Variants in CABLES1 observed in about 807,000 individuals in gnomAD.
CABLES1 encodes the protein CDK5 and ABL1 enzyme substrate 1.
In CABLES1, 36 loss-of-function variants were observed where a neutral mutation model predicts 57.8. The observed-to-expected ratio is 0.62, with a 90% CI of 0.48 to 0.82. CABLES1 has a LOEUF of 0.82. CABLES1 is among the 40% of genes least tolerant of loss of function. CABLES1 has a pLI of 0.00. For missense variants in CABLES1, 767 were observed against 836.6 expected, an observed-to-expected ratio of 0.92 and a Z score of 1.03; for synonymous variants, 374 against 363.0, an observed-to-expected ratio of 1.03 and a Z score of -0.35.
intron 6 of CABLES1, among the ~76,000 whole-genome samples, chr18:23,236,640 C>T (rs985439516): frequency 6.6e-6 from 1 of 152,208 alleles, no homozygotes; most frequent in East Asian, 1.9e-4. Context: ...GTGCTGAGTT[C>T]TGAATCCCTG....
chr18:23,253,867 G>A lies in CABLES1; in HGVS notation c.1692G>A (p.Gly564=). 1.2e-6 allele frequency: 2 copies of A among 1,614,210 alleles called. No individual in the cohort carries two copies. Among genetic ancestry groups the A allele is most frequent in the African/African-American group, 1.3e-5 (1 of 75,036 alleles). Residue 564 remains glycine, a synonymous_variant, in exon 9 of 10, where the codon GGG becomes GGA. Coordinates refer to ENST00000256925, the MANE Select transcript of CABLES1 (RefSeq NM_001100619.3). Reference sequence around the variant, plus strand: ...AACAGAACCGGAAGCTGTGTGCTGGGGCATGTGTGCTGTTAGCAGCCAAAA... The same window carrying A: ...AACAGAACCGGAAGCTGTGTGCTGGAGCATGTGTGCTGTTAGCAGCCAAAA... ...LNKQNRKLCA[G]ACVLLAAKIG...
chr18:23,222,838 ACT>A (rs1249273735), intron 4 of CABLES1, among the ~76,000 whole-genome samples: 2 of 152,016 alleles, frequency 1.3e-5, no homozygotes. Flanking sequence ...TCTCCAAGTG[ACT>A]CTGTCCCACC....
At chr18:23,248,879 T>C (rs1466292597) in intron 7 of CABLES1, among the ~76,000 whole-genome samples, 10 of 152,194 alleles carry the variant, frequency 6.6e-5, no homozygotes, top group Admixed American at 1.3e-4. Flanking sequence ...CTAGAATCAT[T>C]GAGGAGGCTG....
chr18:23,199,288 AGTT>A (rs2145033027), intron 3 of CABLES1, among the ~76,000 whole-genome samples: 1 of 152,156 alleles, frequency 6.6e-6, no homozygotes, highest in East Asian at 1.9e-4. Context: ...TTCTTCAAAA[AGTT>A]AAACATAAAA....
chr18:23,212,193 C>T (rs149856128), intron 3 of CABLES1, among the ~76,000 whole-genome samples: 1 of 152,342 alleles, frequency 6.6e-6, no homozygotes, highest in East Asian at 1.9e-4. Context: ...ATGGACTAGG[C>T]TGGAAAACCT....
chr18:23,253,802 G>T lies in CABLES1; in HGVS notation c.1627G>T (p.Val543Phe). 6.2e-7 allele frequency: 1 copy of T among 1,614,232 alleles called. No individual in the cohort carries two copies. The highest frequency in any genetic ancestry group is 1.1e-5 in the South Asian group (1 of 91,080). The change falls in exon 9 of 10, where the codon GTC becomes TTC. Residue 543 changes from valine to phenylalanine, a missense_variant. Physicochemically the swap from Val to Phe is conservative, Grantham distance 50 (BLOSUM62 -1). Coordinates refer to ENST00000256925, the MANE Select transcript of CABLES1 (RefSeq NM_001100619.3). ...LEEPTVAMAF[V>F]YFEKLALKGK... ...GGAGCCCACGGTGGCCATGGCCTTC[G>T]TCTACTTTGAAAAGCTCGCCCTCAA...
intron 1 of CABLES1, among the ~76,000 whole-genome samples, chr18:23,173,467 A>G (rs1364157116): frequency 6.6e-6 from 1 of 152,204 alleles, no homozygotes; most frequent in Non-Finnish European, 1.5e-5. Flanking sequence ...TTCAAATTGT[A>G]TTATCTGGAG....
At chr18:23,219,615 C>T (rs1449939352) in intron 4 of CABLES1, among the ~76,000 whole-genome samples, 1 of 152,164 alleles carries the variant, frequency 6.6e-6, no homozygotes, top group East Asian at 1.9e-4. Context: ...TAGTGAGGGG[C>T]AGGGGAGAGG....
chr18:23,215,182 AAGT>A (rs989231776), intron 4 of CABLES1, among the ~76,000 whole-genome samples: 3 of 152,164 alleles, frequency 2.0e-5, no homozygotes, highest in African/African-American at 7.2e-5. Context: ...GTTCTAGAAA[AAGT>A]AGCAGCAAAT....
chr18:23,196,330 C>T (rs560530569), intron 3 of CABLES1, among the ~76,000 whole-genome samples: 40 of 152,146 alleles, frequency 2.6e-4, no homozygotes, highest in East Asian at 3.9e-4. Context: ...GAGGCCACGG[C>T]GGGTCGTATG....
At chr18:23,226,360 C>A (rs1017940501) in intron 4 of CABLES1, among the ~76,000 whole-genome samples, 1 of 150,894 alleles carries the variant, frequency 6.6e-6, no homozygotes, top group Non-Finnish European at 1.5e-5. Context: ...CAAGATCGTG[C>A]CATTGCACTC....
chr18:23,227,938 G>C (rs2117244), intron 4 of CABLES1, among the ~76,000 whole-genome samples: 32,132 of 152,084 alleles, frequency 0.21, 3,590 homozygotes, highest in Non-Finnish European at 0.24. Context: ...GCCTAGTGGA[G>C]CTCCTGGCAG....
chr18:23,179,486 G>A (rs936624388), intron 1 of CABLES1, among the ~76,000 whole-genome samples: 6 of 152,216 alleles, frequency 3.9e-5, no homozygotes, highest in Admixed American at 3.9e-4. Context: ...GCTCGGGGAG[G>A]AGGTTTTCCT....
intron 1 of CABLES1, among the ~76,000 whole-genome samples, chr18:23,165,955 C>T (rs1251215869): frequency 6.6e-6 from 1 of 152,154 alleles, no homozygotes; most frequent in Non-Finnish European, 1.5e-5. Flanking sequence ...CCTGGACACT[C>T]CCATTTCAAG....
intron 1 of CABLES1, among the ~76,000 whole-genome samples, chr18:23,146,181 G>C (rs2046890460): frequency 6.6e-6 from 1 of 152,232 alleles, no homozygotes; most frequent in South Asian, 2.1e-4. Flanking sequence ...AGAAGGGCTG[G>C]GTGGCGGGGT....
chr18:23,213,867 G>GC, intron 3 of CABLES1, 110 bp from the exon 4 acceptor site: 2 of 685,216 alleles, frequency 2.9e-6, no homozygotes, highest in Admixed American at 5.3e-5. Flanking sequence ...GTGGGAGCGT[G>GC]CAAATACTGC....
In CABLES1 at chr18:23,218,184, C is replaced by T. The variant is rs182431673; in HGVS notation, c.1088+4130C>T. On this transcript the variant is annotated intron_variant, in intron 4 of 9. Transcript: ENST00000256925. ...CCTCCTTCCCATGGAAAGCATCTGT[C>T]GGGGTGGCCTGAACTTTCTGGGTTT... Among the ~76,000 whole-genome samples, 314 of 152,346 alleles carry T rather than the reference C, an allele frequency of 2.1e-3. 1 individual carries two copies. The highest frequency in any genetic ancestry group is 3.2e-3 in the Non-Finnish European group (219 of 68,030).
chr18:23,155,835 C>T, intron 1 of CABLES1: 2 of 1,608,238 alleles, frequency 1.2e-6, no homozygotes, highest in Admixed American at 1.7e-5. Context: ...GGCCATTTTT[C>T]TTCCTGGTGT....
chr18:23,143,909 AG>A (rs1421877650), intron 1 of CABLES1, among the ~76,000 whole-genome samples: 2 of 152,188 alleles, frequency 1.3e-5, no homozygotes, highest in Admixed American at 1.3e-4. Flanking sequence ...ATTTCAGGCG[AG>A]GCAGCTGTTG....
Sources: allele counts gnomAD v4.1 joint callset (sites outside exome capture counted in the v4.1 genomes callset), GRCh38; gene constraint gnomAD v4.1.1; transcripts MANE v1.5; gene names NCBI Gene and HGNC (gene_info 2026-07-23, HGNC 2026-07-21).